Variants in RARB observed in about 807,000 individuals in gnomAD.
RARB encodes retinoic acid receptor beta.
In RARB, 17 loss-of-function variants were observed where a neutral mutation model predicts 51.9. The ratio of observed to expected loss-of-function variants is 0.33; its 90% CI spans 0.22 to 0.49. The LOEUF (loss-of-function observed/expected upper bound fraction) is 0.49, where lower values mean the gene tolerates loss of function less well. Among genes scored for constraint, RARB ranks in the 20% least tolerant of loss-of-function variants. The pLI, the probability that RARB is intolerant of heterozygous loss-of-function variation, is 0.99. For synonymous variants in RARB, 215 were observed against 195.4 expected (o/e 1.10, Z -0.84); for missense variants, 369 against 550.8 (o/e 0.67, Z 3.30).
intron 3 of RARB, among the ~76,000 whole-genome samples, chr3:25,116,974 C>T (rs1293541722): frequency 6.6e-6 from 1 of 152,124 alleles, no homozygotes; most frequent in Non-Finnish European, 1.5e-5. Flanking sequence ...AGAATAAGAG[C>T]AACTTTACAG....
At chr3:24,972,532 A>G (rs768884467) in intron 2 of RARB, among the ~76,000 whole-genome samples, 4 of 151,850 alleles carry the variant, frequency 2.6e-5, no homozygotes, top group African/African-American at 4.8e-5. Flanking sequence ...TTCATGTGGT[A>G]GTTATATTTT....
chr3:25,035,710 A>G (rs80047943), intron 2 of RARB, among the ~76,000 whole-genome samples: 2,320 of 152,246 alleles, frequency 0.015, 53 homozygotes, highest in African/African-American at 0.053. Flanking sequence ...TACCATCTCT[A>G]TTGCAATGAC....
At chr3:25,032,374 C>T (rs1188775171) in intron 2 of RARB, among the ~76,000 whole-genome samples, 1 of 152,090 alleles carries the variant, frequency 6.6e-6, no homozygotes, top group Non-Finnish European at 1.5e-5. Context: ...AGCAGCAGCA[C>T]TTTTTTCTCC....
At chr3:25,444,036 G>A (rs761002710) in intron 1 of RARB, among the ~76,000 whole-genome samples, 2 of 152,094 alleles carry the variant, frequency 1.3e-5, no homozygotes, top group Non-Finnish European at 2.9e-5. Context: ...TTAAAGTTGC[G>A]ATTGATTTTT....
intron 3 of RARB, among the ~76,000 whole-genome samples, chr3:25,513,080 C>A (rs1197055927): frequency 1.4e-5 from 2 of 147,158 alleles, no homozygotes; most frequent in Non-Finnish European, 3.0e-5. Flanking sequence ...GAGATTGAGA[C>A]CATCCCAGCT....
chr3:25,294,680 G>A (rs114283174), intron 5 of RARB, among the ~76,000 whole-genome samples: 1,605 of 152,266 alleles, frequency 0.011, 30 homozygotes, highest in African/African-American at 0.037. Flanking sequence ...GAGGGAGAGA[G>A]GAGAGAGACC....
At chr3:25,125,083 A>G (rs554274262) in intron 3 of RARB, among the ~76,000 whole-genome samples, 19 of 152,230 alleles carry the variant, frequency 1.2e-4, no homozygotes, top group Non-Finnish European at 2.4e-4. Context: ...AGAAACTATT[A>G]GACCAGCTTA....
chr3:25,218,363 C>A (rs1167142858), intron 5 of RARB, among the ~76,000 whole-genome samples: 1 of 151,970 alleles, frequency 6.6e-6, no homozygotes, highest in Non-Finnish European at 1.5e-5. Context: ...TTACTACCCA[C>A]CCCCCAACAA....
intron 2 of RARB, among the ~76,000 whole-genome samples, chr3:24,862,979 G>A (rs1476508434): frequency 6.6e-6 from 1 of 152,136 alleles, no homozygotes; most frequent in Non-Finnish European, 1.5e-5. Flanking sequence ...AGTACCAGGA[G>A]GACTTGGATG....
intron 2 of RARB, among the ~76,000 whole-genome samples, chr3:24,967,661 G>A (rs1485696580): frequency 6.6e-6 from 1 of 152,068 alleles, no homozygotes; most frequent in Non-Finnish European, 1.5e-5. Context: ...GGCATTCACA[G>A]TTTGCTTTAT....
intron 5 of RARB, among the ~76,000 whole-genome samples, chr3:25,214,555 G>A (rs960970832): frequency 1.3e-5 from 2 of 151,984 alleles, no homozygotes; most frequent in Non-Finnish European, 2.9e-5. Context: ...TTTTCACATC[G>A]AATAAATGGG....
intron 5 of RARB, among the ~76,000 whole-genome samples, chr3:25,322,899 C>T (rs1435655502): frequency 1.5e-4 from 23 of 152,176 alleles, no homozygotes; most frequent in Admixed American, 1.5e-3. Context: ...CAACCCCAAA[C>T]TTATTTGCTT....
intron 1 of RARB, among the ~76,000 whole-genome samples, chr3:25,451,585 G>C (rs1346792106): frequency 6.6e-6 from 1 of 152,186 alleles, no homozygotes; most frequent in East Asian, 1.9e-4. Flanking sequence ...TTATTTTATT[G>C]AGAAAAAGAG....
intron 5 of RARB, among the ~76,000 whole-genome samples, chr3:25,253,227 A>G (rs1657169244): frequency 6.6e-6 from 1 of 152,196 alleles, no homozygotes; most frequent in African/African-American, 2.4e-5. Flanking sequence ...ACTTTGATAC[A>G]CATGTGTTTT....
intron 2 of RARB, among the ~76,000 whole-genome samples, chr3:24,879,061 T>C (rs191078394): frequency 3.0e-3 from 457 of 152,292 alleles, no homozygotes; most frequent in African/African-American, 0.01. Context: ...TTTTATGTTT[T>C]ATATATTTTT....
At chr3:25,178,953 G>A (rs148475017) in intron 5 of RARB, among the ~76,000 whole-genome samples, 2,295 of 152,258 alleles carry the variant, frequency 0.015, 43 homozygotes, top group Middle Eastern at 0.031. Context: ...TTGCAAGCTG[G>A]AAAATATTGT....
At chr3:25,575,981 G>A (rs925489104) in intron 4 of RARB, among the ~76,000 whole-genome samples, 1 of 152,160 alleles carries the variant, frequency 6.6e-6, no homozygotes, top group African/African-American at 2.4e-5. Flanking sequence ...GAAACCTCTG[G>A]CAGCACACAT....
At chr3:25,586,210 T>C (rs1244806194) in intron 5 of RARB, among the ~76,000 whole-genome samples, 2 of 152,116 alleles carry the variant, frequency 1.3e-5, no homozygotes, top group African/African-American at 4.8e-5. Flanking sequence ...TCCTGGCCTA[T>C]TCCTCATCTC....
intron 1 of RARB, among the ~76,000 whole-genome samples, chr3:25,439,437 G>A (rs150000184): frequency 7.9e-5 from 12 of 151,954 alleles, no homozygotes; most frequent in Admixed American, 1.3e-4. Context: ...ACAGGGTCTC[G>A]CTCTGTTGCC....
Sources: gnomAD v4.1 joint callset for allele counts (sites outside exome capture counted in the v4.1 genomes callset) on GRCh38, gnomAD v4.1.1 for gene constraint, MANE v1.5 for transcripts, NCBI Gene and HGNC (gene_info 2026-07-23, HGNC 2026-07-21) for gene names.